Variants in PDE3A observed in about 807,000 individuals in gnomAD.
The protein encoded by PDE3A is cGMP-inhibited 3',5'-cyclic phosphodiesterase 3A.
Under a neutral mutation model 98.3 loss-of-function variants are expected in PDE3A, and 43 were observed. The ratio of observed to expected loss-of-function variants is 0.44; its 90% confidence interval spans 0.34 to 0.56. The LOEUF (loss-of-function observed/expected upper bound fraction) is 0.56, where lower values mean the gene tolerates loss of function less well. Among genes scored for constraint, PDE3A ranks in the 20% least tolerant of loss-of-function variants. PDE3A has a pLI of 0.01. For missense variants in PDE3A, 1,427 were observed against 1,440.7 expected (o/e 0.99, Z 0.15); for synonymous variants, 663 against 567.9 (o/e 1.17, Z -2.38).
At chr12:20,573,404 G>A (rs1019072068) in intron 2 of PDE3A, among the ~76,000 whole-genome samples, 2 of 151,218 alleles carry the variant, frequency 1.3e-5, no homozygotes, top group African/African-American at 2.5e-5. Context: ...CATGAAGCTC[G>A]TATTCTAGAA....
intron 2 of PDE3A, among the ~76,000 whole-genome samples, chr12:20,559,667 T>C (rs949936114): frequency 7.0e-6 from 1 of 142,884 alleles, no homozygotes; most frequent in Non-Finnish European, 1.5e-5. Context: ...CGAGACCCCA[T>C]ATCAAAAAAA....
chr12:20,488,951 G>T (rs1477434284), intron 1 of PDE3A, among the ~76,000 whole-genome samples: 1 of 151,520 alleles, frequency 6.6e-6, no homozygotes, highest in Non-Finnish European at 1.5e-5. Flanking sequence ...GAAGTATCCA[G>T]GTTCAAAGCG....
At chr12:20,371,190 T>C (rs574281902) in intron 1 of PDE3A, among the ~76,000 whole-genome samples, 1 of 152,292 alleles carries the variant, frequency 6.6e-6, no homozygotes, top group South Asian at 2.1e-4. Context: ...GTCTCCTTAT[T>C]ATCATTAAGT....
intron 1 of PDE3A, among the ~76,000 whole-genome samples, chr12:20,533,644 C>G (rs923930582): frequency 1.3e-5 from 2 of 151,626 alleles, no homozygotes; most frequent in African/African-American, 4.8e-5. Context: ...CCACACCCAG[C>G]TAATTTTTCG....
chr12:20,507,941 C>T (rs943629464), intron 1 of PDE3A, among the ~76,000 whole-genome samples: 1 of 152,044 alleles, frequency 6.6e-6, no homozygotes, highest in Admixed American at 6.6e-5. Context: ...CCTTTCAGAA[C>T]CTGAGTCAGT....
chr12:20,448,756 T>G (rs1326725269), intron 1 of PDE3A, among the ~76,000 whole-genome samples: 1 of 149,710 alleles, frequency 6.7e-6, no homozygotes, highest in Non-Finnish European at 1.5e-5. Flanking sequence ...TTTAAGGTTT[T>G]TTTTTTTTTT....
At chr12:20,385,050 A>G (rs1208335215) in intron 1 of PDE3A, among the ~76,000 whole-genome samples, 2 of 152,056 alleles carry the variant, frequency 1.3e-5, no homozygotes, top group African/African-American at 4.8e-5. Context: ...TATTCCCAGT[A>G]ATGGGATTGC....
rs192292975 is a variant in PDE3A, at chr12:20,683,800, C to T, written c.*3529C>T. On this transcript the variant is annotated 3_prime_UTR_variant, in exon 16 of 16. Transcript: ENST00000359062. ...ATTTACTTCCTAAAAATAGAATTCC[C>T]GATTCTGTCTATTTTGGTTGAATAC... is the stretch of plus-strand genomic sequence containing the variant. 6.0e-4 allele frequency: 92 copies of T among 152,182 alleles called. No individual in the cohort carries two copies. Among genetic ancestry groups the T allele is most frequent in the African/African-American group, 2.0e-3 (85 of 41,532 alleles). The allele number at this position is 152,182 out of a possible 1,614,324, so 9.4% of individuals were successfully genotyped here.
intron 1 of PDE3A, among the ~76,000 whole-genome samples, chr12:20,451,553 C>T (rs547295463): frequency 2.0e-4 from 30 of 152,194 alleles, no homozygotes; most frequent in South Asian, 6.2e-4. Flanking sequence ...GTGATCTGCC[C>T]GCCTCAGCCT....
chr12:20,610,374 A>G (rs1322652018), intron 2 of PDE3A, among the ~76,000 whole-genome samples: 3 of 152,028 alleles, frequency 2.0e-5, no homozygotes, highest in Non-Finnish European at 4.4e-5. Context: ...TAGGATGGCT[A>G]TTATTAAAAA....
chr12:20,609,615 G>A (rs1266376304), intron 2 of PDE3A, among the ~76,000 whole-genome samples: 6 of 151,896 alleles, frequency 4.0e-5, no homozygotes, highest in African/African-American at 7.2e-5. Flanking sequence ...AGGGGAAAAC[G>A]GTTGAAGGCA....
At chr12:20,514,501 A>G (rs953432068) in intron 1 of PDE3A, among the ~76,000 whole-genome samples, 6 of 152,212 alleles carry the variant, frequency 3.9e-5, no homozygotes, top group African/African-American at 1.4e-4. Context: ...TATCATTTCT[A>G]AAAGAACAGA....
chr12:20,452,436 G>A (rs1031743333), intron 1 of PDE3A, among the ~76,000 whole-genome samples: 6 of 152,114 alleles, frequency 3.9e-5, no homozygotes, highest in Admixed American at 3.9e-4. Context: ...CATTCACCAA[G>A]TTTTGACAGT....
rs1381494655 is a variant in PDE3A, at chr12:20,686,832, A to G, written c.*6561A>G. Among the ~76,000 whole-genome samples, 7 of 152,118 alleles carry G rather than the reference A, an allele frequency of 4.6e-5. No homozygotes were observed. Among genetic ancestry groups the G allele is most frequent in the African/African-American group, 1.7e-4 (7 of 41,434 alleles). On this transcript the variant is annotated 3_prime_UTR_variant, in exon 16 of 16. Transcript: ENST00000359062. ...CAAGCCTGCTTTCCTTGTAAAGTCC[A>G]TGGTACTAAGAAGCAAAAAATGCAG...
chr12:20,428,414 C>T (rs906736828), intron 1 of PDE3A, among the ~76,000 whole-genome samples: 4 of 151,878 alleles, frequency 2.6e-5, no homozygotes, highest in Admixed American at 2.0e-4. Context: ...CAAGCAGCTG[C>T]GACTACAGGC....
intron 1 of PDE3A, among the ~76,000 whole-genome samples, chr12:20,537,591 C>T (rs997086387): frequency 6.6e-6 from 1 of 151,986 alleles, no homozygotes; most frequent in Non-Finnish European, 1.5e-5. Context: ...CTGTGGTACA[C>T]AAGATGCTCC....
chr12:20,442,900 A>T lies in PDE3A; in HGVS notation c.960+72656A>T, dbSNP rs555803835. Among the ~76,000 whole-genome samples, 12 of 152,294 alleles carry T rather than the reference A, an allele frequency of 7.9e-5. No individual in the cohort carries two copies. In the East Asian group the frequency reaches 2.3e-3, roughly 29 times the overall value. ...GTTCATCCACTGACAGTGTTGAAGA[A>T]CAAAGCAGTGTCACAGAAAATAGGT... On this transcript the variant is annotated intron_variant, in intron 1 of 15. Coordinates refer to ENST00000359062, the MANE Select transcript of PDE3A (RefSeq NM_000921.5).
chr12:20,444,491 C>G (rs1944921685), intron 1 of PDE3A, among the ~76,000 whole-genome samples: 1 of 152,176 alleles, frequency 6.6e-6, no homozygotes. Flanking sequence ...CATAGTCAAT[C>G]AGATAAACTT....
Position 20,369,486 on chromosome 12 carries a change from G to A in PDE3A, c.202G>A (p.Gly68Ser). 6.4e-7 allele frequency: 1 copy of A among 1,557,552 alleles called. No individual in the cohort carries two copies. Among genetic ancestry groups the A allele is most frequent in the East Asian group, 2.4e-5 (1 of 41,516 alleles). Residue 68 changes from glycine to serine, a missense_variant, in exon 1 of 16, where the codon GGC becomes AGC. Around this residue, in one of 3 missense-constraint regions of PDE3A, gnomAD observed 1,012 missense variants for 886.5 expected, o/e 1.14. Transcript: ENST00000359062. ...SRKLSSALCA[G>S]SLSFLLALLV... ...GAAACTTTCCTCCGCGCTGTGCGCG[G>A]GCTCCCTGTCCTTTCTGCTGGCGCT...
Sources: gnomAD v4.1 joint callset for allele counts (sites outside exome capture counted in the v4.1 genomes callset) on GRCh38, gnomAD v4.1.1 for gene constraint, gnomAD v4.1.1 regional missense constraint, MANE v1.5 for transcripts, NCBI Gene and HGNC (gene_info 2026-07-23, HGNC 2026-07-21) for gene names.